REEP3: variants seen among roughly 807,000 people sequenced by gnomAD.
REEP3 encodes the protein receptor accessory protein 3, also known as receptor expression-enhancing protein 3.
Under a neutral mutation model 41.3 loss-of-function variants are expected in REEP3, and 20 were observed. The observed-to-expected ratio is 0.48, with a 90% CI of 0.34 to 0.70. The LOEUF (loss-of-function observed/expected upper bound fraction) is 0.70. Ranked by LOEUF, REEP3 falls within the 30% of genes least tolerant of loss-of-function variation. The pLI, the probability that REEP3 is intolerant of heterozygous loss-of-function variation, is 0.01. For missense variants in REEP3, 271 were observed against 308.8 expected, an observed-to-expected ratio of 0.88 and a Z score of 0.92; for synonymous variants, 104 against 101.8, an observed-to-expected ratio of 1.02 and a Z score of -0.13.
intron 1 of REEP3, among the ~76,000 whole-genome samples, chr10:63,527,114 T>C (rs769074451): frequency 6.6e-6 from 1 of 152,132 alleles, no homozygotes; most frequent in Non-Finnish European, 1.5e-5. Flanking sequence ...CCGCAATTAT[T>C]TTTCTCTGAT....
chr10:63,565,214 C>T (rs749813992), intron 1 of REEP3, among the ~76,000 whole-genome samples: 2 of 152,180 alleles, frequency 1.3e-5, no homozygotes, highest in African/African-American at 2.4e-5. Context: ...GAGCTGAGAT[C>T]GCACCACTAC....
Position 63,620,814 on chromosome 10 carries a change from T to C in REEP3, c.713T>C (p.Val238Ala), listed in dbSNP as rs1318499688. 7 of 1,598,468 alleles carry C rather than the reference T, an allele frequency of 4.4e-6. No homozygotes were observed. The East Asian group carries it at 1.6e-4, about 36-fold the overall frequency. ...ATAATAAAACATTTCTCTCTTCAGG[T>C]GCGGTACGGGTCACTAAAATACAAA... ...SVKTTKGRKE[V>A]RYGSLKYKVK... The change falls in exon 8 of 8, where the codon GTG becomes GCG. Residue 238 changes from valine (V) to alanine (A), a missense_variant and splice_region_variant. Val to Ala is a moderately conservative substitution (Grantham distance 64). Coordinates refer to ENST00000373758, the MANE Select transcript of REEP3 (RefSeq NM_001001330.3).
chr10:63,545,833 T>G (rs1387434898), intron 1 of REEP3, among the ~76,000 whole-genome samples: 1 of 152,104 alleles, frequency 6.6e-6, no homozygotes, highest in Non-Finnish European at 1.5e-5. Flanking sequence ...CTCATCTTCT[T>G]TATGGTGTTA....
rs1327106804 is a variant in REEP3, at chr10:63,521,582, G to A, written c.32+5G>A. 7.1e-7 allele frequency: 1 copy of A among 1,417,014 alleles called. No homozygotes were observed. The allele number at this position is 1,417,014 out of a possible 1,614,324, so 87.8% of individuals were successfully genotyped here. ...GATGATCTCCAGAGCCGTGGTGTAA[G>A]TGCCTCTCACTGCGCCCTGCAGCCG... On this transcript the variant is annotated splice_donor_5th_base_variant and intron_variant, in intron 1 of 7. Transcript: ENST00000373758.
chr10:63,540,680 A>G (rs1955520090), intron 1 of REEP3, among the ~76,000 whole-genome samples: 1 of 152,156 alleles, frequency 6.6e-6, no homozygotes, highest in Non-Finnish European at 1.5e-5. Context: ...GTTAAGTACA[A>G]TTTATTTATT....
In REEP3 at chr10:63,608,685, G is replaced by C. The variant is rs528008503; in HGVS notation, c.418-1502G>C. Among the ~76,000 whole-genome samples, 7 of 152,262 alleles carry C rather than the reference G, an allele frequency of 4.6e-5. No individual in the cohort carries two copies. In the South Asian group the frequency reaches 1.5e-3, roughly 32 times the overall value. ...TATATGCTATGCAAATTTAAAGTAG[G>C]TAAATTTAGAATTTTTTTTTCTTTT... On this transcript the variant is annotated intron_variant, in intron 5 of 7. Coordinates refer to ENST00000373758, the MANE Select transcript of REEP3 (RefSeq NM_001001330.3).
At chr10:63,559,268 G>C (rs1398223523) in intron 1 of REEP3, among the ~76,000 whole-genome samples, 1 of 151,962 alleles carries the variant, frequency 6.6e-6, no homozygotes, top group Non-Finnish European at 1.5e-5. Flanking sequence ...TGATATTTAT[G>C]GATTTTTCTC....
intron 2 of REEP3, among the ~76,000 whole-genome samples, chr10:63,588,556 G>A (rs528630605): frequency 1.3e-5 from 2 of 152,152 alleles, no homozygotes; most frequent in African/African-American, 4.8e-5. Context: ...ATTAAGCTAT[G>A]TGCATTCCCA....
intron 1 of REEP3, among the ~76,000 whole-genome samples, chr10:63,528,382 A>G (rs1955386603): frequency 6.6e-6 from 1 of 152,126 alleles, no homozygotes; most frequent in South Asian, 2.1e-4. Context: ...AGTTCCCTAC[A>G]TTGAATCCGC....
rs112641257 is a variant in REEP3 at position 63,614,334 on chromosome 10, G to A, written c.565+4000G>A. 4.1e-3 allele frequency among the ~76,000 whole-genome samples: 628 copies of A among 152,268 alleles called. 4 individuals carry two copies. The highest frequency in any genetic ancestry group is 0.014 in the African/African-American group (571 of 41,556). ...AAAACAGCAGCTTGAAACAATCATGGTCATTTATTTTGCTCACAGATCTGG... is the reference window on the plus strand; with the variant it reads ...AAAACAGCAGCTTGAAACAATCATGATCATTTATTTTGCTCACAGATCTGG... On this transcript the variant is annotated intron_variant, in intron 6 of 7. Transcript: ENST00000373758.
intron 1 of REEP3, among the ~76,000 whole-genome samples, chr10:63,535,172 G>C (rs1955462730): frequency 6.6e-6 from 1 of 152,032 alleles, no homozygotes; most frequent in Non-Finnish European, 1.5e-5. Context: ...GATACAGAAG[G>C]CCAAAATAAA....
chr10:63,619,774 G>T lies in REEP3; in HGVS notation c.685G>T (p.Val229Leu). The T allele has an allele frequency of 6.2e-7, 1 of 1,609,824 alleles. No homozygotes were observed. Among genetic ancestry groups the T allele is most frequent in the Non-Finnish European group, 8.5e-7 (1 of 1,178,046 alleles). ...TCGAAGATCGCAAAGCATGAAATCT[G>T]TGAAAACCACCAAAGGCCGCAAAGA... ...GLRRSQSMKS[V>L]KTTKGRKEVR... is the part of the protein sequence containing the mutation. The change falls in exon 7 of 8, where the codon GTG becomes TTG. Residue 229 changes from valine (V) to leucine (L), a missense_variant. Coordinates refer to ENST00000373758, the MANE Select transcript of REEP3 (RefSeq NM_001001330.3).
chr10:63,528,625 A>G (rs529138382), intron 1 of REEP3, among the ~76,000 whole-genome samples: 1 of 152,316 alleles, frequency 6.6e-6, no homozygotes, highest in Admixed American at 6.5e-5. Flanking sequence ...CAGGAAAGCC[A>G]GGTCCTTATG....
intron 1 of REEP3, among the ~76,000 whole-genome samples, chr10:63,554,101 CA>C (rs11298394): frequency 0.03 from 3,358 of 110,366 alleles, 108 homozygotes; most frequent in African/African-American, 0.1. Context: ...GACTCCGTCT[CA>C]AAAAAAAAAA....
intron 2 of REEP3, among the ~76,000 whole-genome samples, chr10:63,567,621 G>T (rs1415640942): frequency 6.6e-6 from 1 of 151,976 alleles, no homozygotes; most frequent in East Asian, 1.9e-4. Context: ...CTGTCTTTTG[G>T]CTATTATGAA....
At chr10:63,574,523 C>T (rs1489992207) in intron 2 of REEP3, among the ~76,000 whole-genome samples, 2 of 152,114 alleles carry the variant, frequency 1.3e-5, no homozygotes, top group African/African-American at 4.8e-5. Context: ...TATGAATGCA[C>T]ATAAAGCATT....
chr10:63,581,245 G>A (rs925691969), intron 2 of REEP3, among the ~76,000 whole-genome samples: 2 of 151,928 alleles, frequency 1.3e-5, no homozygotes, highest in African/African-American at 4.8e-5. Context: ...CCATCACACC[G>A]TGAAAGGTCC....
rs1956336654 is a variant in REEP3, at chr10:63,619,514, G to A, written c.566-141G>A. On this transcript the variant is annotated intron_variant, in intron 6 of 7. Transcript: ENST00000373758. ...TGCGAGGCAAAGCTTAATGATAAAG[G>A]GCATGGAGCACATTCCAGATGCAAA... is the stretch of plus-strand genomic sequence containing the variant. The A allele has an allele frequency of 1.5e-5, 9 of 610,508 alleles. No individual in the cohort carries two copies. The South Asian group carries it at 2.2e-4, about 15-fold the overall frequency. 37.8% of individuals were successfully genotyped at this position (610,508 alleles called of 1,614,324 possible). A position where few individuals can be genotyped will look rare whatever the true frequency, so the allele number is the denominator to read the frequency against.
At chr10:63,606,364 T>TTCTC (rs10687622) in intron 5 of REEP3, among the ~76,000 whole-genome samples, 139,438 of 150,438 alleles carry the variant, frequency 0.93, 65,024 homozygotes, top group East Asian at 0.99. Flanking sequence ...CTTTCTTTCT[T>TTCTC]TGTCTTTCTT....
Sources: allele counts gnomAD v4.1 joint callset (sites outside exome capture counted in the v4.1 genomes callset), GRCh38; gene constraint gnomAD v4.1.1; transcripts MANE v1.5; gene names NCBI Gene and HGNC (gene_info 2026-07-23, HGNC 2026-07-21).